Variants in NR5A2 observed in about 807,000 individuals in gnomAD.
NR5A2 encodes the protein CYP7A promoter-binding factor.
A neutral mutation model predicts 62.7 loss-of-function variants in NR5A2; 26 were observed. That is an observed-to-expected ratio of 0.41 (90% CI 0.30 to 0.58). The LOEUF (loss-of-function observed/expected upper bound fraction) is 0.58. Among genes scored for constraint, NR5A2 ranks in the 20% least tolerant of loss-of-function variants. The pLI is 0.22. For missense variants in NR5A2, 541 were observed against 669.1 expected, an observed-to-expected ratio of 0.81 and a Z score of 2.11; for synonymous variants, 246 against 241.7, an observed-to-expected ratio of 1.02 and a Z score of -0.16.
intron 7 of NR5A2, among the ~76,000 whole-genome samples, chr1:200,162,195 C>A (rs1414303470): frequency 6.6e-6 from 1 of 152,222 alleles, no homozygotes; most frequent in Non-Finnish European, 1.5e-5. Flanking sequence ...ATATCCCTGT[C>A]CTCATAATTG....
chr1:200,087,880 T>G (rs1477056434), intron 5 of NR5A2, among the ~76,000 whole-genome samples: 3 of 151,694 alleles, frequency 2.0e-5, no homozygotes, highest in African/African-American at 7.3e-5. Context: ...GCCTCCTGAG[T>G]AGCTGGGACT....
rs575120138 is a variant in NR5A2 at position 200,112,451 on chromosome 1, G to A, written c.1230+1130G>A. Among the ~76,000 whole-genome samples the A allele has an allele frequency of 7.9e-5, 12 of 152,176 alleles. No homozygotes were observed. In the East Asian group the frequency reaches 1.9e-3, roughly 24 times the overall value. ...TTCAGCAATGGTGACTTCAGTACTC[G>A]GCACCATGATCTTTTATGTTCAGCC... is the stretch of plus-strand genomic sequence containing the variant. On this transcript the variant is annotated intron_variant, in intron 6 of 7. Transcript: ENST00000367362.
In NR5A2 at chr1:200,054,683, G is replaced by C. The variant is rs1256389266; in HGVS notation, c.1110+5865G>C. The stretch of plus-strand genomic sequence containing the variant: ...ATGCTGAAGTTGGTTTTTAAGTATA[G>C]CTTTATCTAAAGCGAGGGCACAAGG... On this transcript the variant is annotated intron_variant, in intron 5 of 7. Transcript: ENST00000367362. 1.3e-5 allele frequency among the ~76,000 whole-genome samples: 2 copies of C among 152,146 alleles called. 1 individual carries two copies. Among genetic ancestry groups the C allele is most frequent in the Non-Finnish European group, 2.9e-5 (2 of 68,030 alleles).
At chr1:200,073,754 A>G (rs1663866691) in intron 5 of NR5A2, among the ~76,000 whole-genome samples, 1 of 152,044 alleles carries the variant, frequency 6.6e-6, no homozygotes. Flanking sequence ...TTTCTTGATT[A>G]ATTAATATAG....
chr1:200,078,124 T>C (rs993258384), intron 5 of NR5A2, among the ~76,000 whole-genome samples: 2 of 152,232 alleles, frequency 1.3e-5, no homozygotes, highest in Non-Finnish European at 2.9e-5. Flanking sequence ...ACTTTCTGAT[T>C]ATTAAACAAA....
rs1455166816 is a variant in NR5A2, at chr1:200,174,644, C to A, written c.*434C>A. ...CTTACAGGATTCCTCCATGGTAAAGCTGAACTGAAACAATTCTCAAGAATG... is the reference window on the plus strand; with the variant it reads ...CTTACAGGATTCCTCCATGGTAAAGATGAACTGAAACAATTCTCAAGAATG... On this transcript the variant is annotated 3_prime_UTR_variant, in exon 8 of 8. Coordinates refer to ENST00000367362, the MANE Select transcript of NR5A2 (RefSeq NM_205860.3). The A allele has an allele frequency of 6.5e-6, 1 of 153,116 alleles. No homozygotes were observed. Among genetic ancestry groups the A allele is most frequent in the Non-Finnish European group, 1.5e-5 (1 of 68,434 alleles). 9.5% of individuals were successfully genotyped at this position (153,116 alleles called of 1,614,324 possible).
chr1:200,032,666 G>GATAT (rs148188489), intron 1 of NR5A2, among the ~76,000 whole-genome samples: 30 of 149,942 alleles, frequency 2.0e-4, no homozygotes, highest in African/African-American at 6.6e-4. Flanking sequence ...AAGGGGAACT[G>GATAT]ATATATATAT....
intron 5 of NR5A2, among the ~76,000 whole-genome samples, chr1:200,087,018 T>A (rs1340685821): frequency 6.6e-6 from 1 of 152,064 alleles, no homozygotes; most frequent in Non-Finnish European, 1.5e-5. Flanking sequence ...CAGCCTGGGA[T>A]ATAGAATGAG....
At chr1:200,137,512 A>G (rs1667277931) in intron 7 of NR5A2, among the ~76,000 whole-genome samples, 1 of 152,038 alleles carries the variant, frequency 6.6e-6, no homozygotes, top group Admixed American at 6.6e-5. Flanking sequence ...CTAAATTCCT[A>G]TCCTCTTACA....
rs538972909 is a variant in NR5A2 at position 200,080,851 on chromosome 1, A to G, written c.1111-30351A>G. ...TTGCAAATACTTTTCACATATATTT[A>G]CAAGGGATCCTTATCACAATCCCTA... On this transcript the variant is annotated intron_variant, in intron 5 of 7. Coordinates refer to ENST00000367362, the MANE Select transcript of NR5A2 (RefSeq NM_205860.3). 2.6e-5 allele frequency among the ~76,000 whole-genome samples: 4 copies of G among 152,354 alleles called. 2 individuals are homozygous for G. The highest frequency in any genetic ancestry group is 9.6e-5 in the African/African-American group (4 of 41,590).
intron 5 of NR5A2, among the ~76,000 whole-genome samples, chr1:200,097,770 G>T (rs1020510269): frequency 6.6e-6 from 1 of 152,140 alleles, no homozygotes; most frequent in Non-Finnish European, 1.5e-5. Flanking sequence ...TAGGCGGTGT[G>T]TATGTTGGGT....
At chr1:200,044,640 T>C (rs944818614) in intron 3 of NR5A2, 1 of 152,124 alleles carries the variant, frequency 6.6e-6, no homozygotes, top group African/African-American at 2.4e-5. Flanking sequence ...TCAGTACAAT[T>C]ACTTAAACCA....
intron 5 of NR5A2, among the ~76,000 whole-genome samples, chr1:200,077,788 G>A (rs1273171057): frequency 2.0e-5 from 3 of 152,044 alleles, no homozygotes; most frequent in Non-Finnish European, 4.4e-5. Flanking sequence ...CGTCTTCCTC[G>A]GACTTCTTTT....
At chr1:200,035,071 G>T (rs894836664) in intron 1 of NR5A2, among the ~76,000 whole-genome samples, 5 of 152,032 alleles carry the variant, frequency 3.3e-5, no homozygotes, top group African/African-American at 1.2e-4. Flanking sequence ...TTTCGGCTGG[G>T]AGGGGCGGAA....
chr1:200,120,822 A>C lies in NR5A2; in HGVS notation c.1245A>C (p.Ile415=), dbSNP rs1344805465. Residue 415 remains isoleucine, a synonymous_variant, in exon 7 of 8, where the codon ATA becomes ATC. Transcript: ENST00000367362. The part of the protein sequence containing the change: ...LVTGQQVDYS[I]IASQAGATLN... ...CTGTATTGCAGGTGGACTATTCCAT[A>C]ATAGCATCACAAGCCGGAGCCACCC... is the stretch of plus-strand genomic sequence containing the variant. The C allele has an allele frequency of 6.4e-7, 1 of 1,565,048 alleles. No individual in the cohort carries two copies. The highest frequency in any genetic ancestry group is 8.6e-7 in the Non-Finnish European group (1 of 1,160,012).
At chr1:200,146,617 A>T (rs1478353693) in intron 7 of NR5A2, among the ~76,000 whole-genome samples, 1 of 152,224 alleles carries the variant, frequency 6.6e-6, no homozygotes, top group Non-Finnish European at 1.5e-5. Context: ...AAATAAAATT[A>T]AATCACAAAT....
chr1:200,112,023 T>A (rs1435674962), intron 6 of NR5A2, among the ~76,000 whole-genome samples: 1 of 145,912 alleles, frequency 6.9e-6, no homozygotes, highest in African/African-American at 2.6e-5. Context: ...CATTAAACAA[T>A]AATCCTAAGA....
intron 5 of NR5A2, among the ~76,000 whole-genome samples, chr1:200,079,855 G>T (rs1275800637): frequency 2.2e-5 from 3 of 135,724 alleles, no homozygotes; most frequent in Non-Finnish European, 3.2e-5. Context: ...ACTTGATAAG[G>T]GTGGCCTTGT....
intron 1 of NR5A2, among the ~76,000 whole-genome samples, chr1:200,038,443 G>T (rs896709057): frequency 2.0e-5 from 3 of 152,176 alleles, no homozygotes; most frequent in Admixed American, 6.5e-5. Context: ...CTTGTGGCCC[G>T]CCTCTCATTG....
Sources: gnomAD v4.1 joint callset for allele counts (sites outside exome capture counted in the v4.1 genomes callset) on GRCh38, gnomAD v4.1.1 for gene constraint, MANE v1.5 for transcripts, NCBI Gene and HGNC (gene_info 2026-07-23, HGNC 2026-07-21) for gene names.